The following ETNK1 variants were observed in gnomAD, a reference collection of about 807,000 sequenced individuals.
ETNK1 encodes the protein putative protein product of Nbla10396.
In ETNK1, 8 loss-of-function variants were observed where a neutral mutation model predicts 45.1. The observed-to-expected ratio is 0.18, with a 90% confidence interval of 0.10 to 0.32. The LOEUF (loss-of-function observed/expected upper bound fraction) is 0.32, where lower values mean the gene tolerates loss of function less well. Ranked by LOEUF, ETNK1 falls within the 10% of genes least tolerant of loss-of-function variation. The pLI is 1.00. For missense variants in ETNK1, 302 were observed against 430.6 expected (o/e 0.70, Z 2.64); for synonymous variants, 152 against 151.9 (o/e 1.00, Z -0.01).
intron 1 of ETNK1, among the ~76,000 whole-genome samples, chr12:22,626,896 TGTTTA>T (rs1953508593): frequency 6.6e-6 from 1 of 152,188 alleles, no homozygotes; most frequent in Non-Finnish European, 1.5e-5. Context: ...ATTCAGTACT[TGTTTA>T]GTTTATCAAT....
intron 2 of ETNK1, chr12:22,644,226 T>C: frequency 6.2e-7 from 1 of 1,605,602 alleles, no homozygotes. Flanking sequence ...CATCGTTGAC[T>C]CTTTGCAAAG....
At chr12:22,631,231 A>G (rs1399485310) in intron 1 of ETNK1, among the ~76,000 whole-genome samples, 1 of 151,046 alleles carries the variant, frequency 6.6e-6, no homozygotes, top group Non-Finnish European at 1.5e-5. Flanking sequence ...CTGGAGTGCA[A>G]TGGCGTGATC....
At chr12:22,650,684 T>C (rs533531630) in intron 2 of ETNK1, among the ~76,000 whole-genome samples, 35 of 152,016 alleles carry the variant, frequency 2.3e-4, no homozygotes, top group African/African-American at 7.2e-4. Flanking sequence ...TTTGCTTGTG[T>C]TTTGTGTCAG....
chr12:22,633,782 G>T (rs1286523814), intron 1 of ETNK1, among the ~76,000 whole-genome samples: 3 of 151,894 alleles, frequency 2.0e-5, no homozygotes, highest in Non-Finnish European at 4.4e-5. Flanking sequence ...ATTGTAAAGG[G>T]TATCATTTAA....
intron 1 of ETNK1, among the ~76,000 whole-genome samples, chr12:22,630,859 C>T (rs1377711082): frequency 1.3e-5 from 2 of 152,076 alleles, no homozygotes; most frequent in Non-Finnish European, 2.9e-5. Flanking sequence ...GATCCACCCA[C>T]CTCGGCCTCC....
chr12:22,639,892 A>G (rs1287371316), intron 1 of ETNK1, among the ~76,000 whole-genome samples: 4 of 152,204 alleles, frequency 2.6e-5, no homozygotes, highest in Non-Finnish European at 4.4e-5. Context: ...TTTCTGTTGT[A>G]TCCTCCACAT....
At chr12:22,630,128 T>G (rs1953555870) in intron 1 of ETNK1, among the ~76,000 whole-genome samples, 1 of 152,222 alleles carries the variant, frequency 6.6e-6, no homozygotes, top group Non-Finnish European at 1.5e-5. Flanking sequence ...TTGAATATTA[T>G]TTCCAGCCAT....
intron 2 of ETNK1, among the ~76,000 whole-genome samples, chr12:22,655,283 A>C: frequency 6.8e-6 from 1 of 147,442 alleles, no homozygotes; most frequent in African/African-American, 2.5e-5. Flanking sequence ...GTAGGAAGTT[A>C]GTGTGAAATG....
intron 5 of ETNK1, 112 bp from the exon 6 acceptor site, chr12:22,673,388 C>T: frequency 2.8e-6 from 2 of 712,144 alleles, no homozygotes; most frequent in Non-Finnish European, 4.3e-6. Context: ...GTATTCCAGC[C>T]AAAATGGAAC....
At chr12:22,676,012 A>T (rs1954157650) in intron 6 of ETNK1, among the ~76,000 whole-genome samples, 1 of 152,122 alleles carries the variant, frequency 6.6e-6, no homozygotes, top group Non-Finnish European at 1.5e-5. Flanking sequence ...CAATTAAAAA[A>T]ATTTTTTATT....
At chr12:22,635,432 C>G (rs145299103) in intron 1 of ETNK1, among the ~76,000 whole-genome samples, 7 of 152,222 alleles carry the variant, frequency 4.6e-5, no homozygotes, top group Non-Finnish European at 8.8e-5. Flanking sequence ...TGTCTCCTCT[C>G]TGTGTAAGTA....
At chr12:22,640,251 G>A (rs1363854556) in intron 1 of ETNK1, among the ~76,000 whole-genome samples, 3 of 152,110 alleles carry the variant, frequency 2.0e-5, no homozygotes, top group Non-Finnish European at 2.9e-5. Context: ...GAAGTGATTA[G>A]TAGCTAAATT....
chr12:22,673,110 T>C (rs947880879), intron 5 of ETNK1, among the ~76,000 whole-genome samples: 4 of 152,212 alleles, frequency 2.6e-5, no homozygotes, highest in Admixed American at 2.6e-4. Context: ...AAAAAAAGTA[T>C]TCTTACCATG....
intron 5 of ETNK1, among the ~76,000 whole-genome samples, chr12:22,672,485 A>G (rs985432821): frequency 6.6e-6 from 1 of 152,172 alleles, no homozygotes; most frequent in African/African-American, 2.4e-5. Context: ...TATCATATAC[A>G]TATAAGCTGT....
intron 2 of ETNK1, among the ~76,000 whole-genome samples, chr12:22,650,170 C>T (rs1953856902): frequency 1.3e-5 from 2 of 151,566 alleles, no homozygotes; most frequent in Admixed American, 1.3e-4. Context: ...TATAATTGCT[C>T]ATTCCGCGAG....
At chr12:22,632,630 C>T (rs1228919632) in intron 1 of ETNK1, among the ~76,000 whole-genome samples, 4 of 151,910 alleles carry the variant, frequency 2.6e-5, no homozygotes, top group South Asian at 4.2e-4. Context: ...TCTACATCAG[C>T]GTCCAGAGTA....
At chr12:22,673,221 G>A (rs1239360573) in intron 5 of ETNK1, among the ~76,000 whole-genome samples, 1 of 152,178 alleles carries the variant, frequency 6.6e-6, no homozygotes, top group African/African-American at 2.4e-5. Flanking sequence ...TGCATAGTTT[G>A]GGTTTGTGAT....
chr12:22,673,401 T>C (rs1954129432), intron 5 of ETNK1, 99 bp from the exon 6 acceptor site: 2 of 887,922 alleles, frequency 2.3e-6, no homozygotes, highest in Non-Finnish European at 3.3e-6. Flanking sequence ...AATGGAACTT[T>C]TCATTTTTTA....
chr12:22,676,043 G>C (rs1188594681), intron 6 of ETNK1, among the ~76,000 whole-genome samples: 1 of 152,010 alleles, frequency 6.6e-6, no homozygotes, highest in Non-Finnish European at 1.5e-5. Flanking sequence ...AAGTTCTGGG[G>C]TACATGTGCA....
Sources: allele counts gnomAD v4.1 joint callset (sites outside exome capture counted in the v4.1 genomes callset), GRCh38; gene constraint gnomAD v4.1.1; transcripts MANE v1.5; gene names NCBI Gene and HGNC (gene_info 2026-07-23, HGNC 2026-07-21).